Variants in PIEZO2 observed in about 807,000 individuals in gnomAD.
PIEZO2 encodes the protein piezo type mechanosensitive ion channel component 2.
Under a neutral mutation model 337.3 loss-of-function variants are expected in PIEZO2, and 172 were observed. The ratio of observed to expected loss-of-function variants is 0.51; its 90% CI spans 0.45 to 0.58. The LOEUF (loss-of-function observed/expected upper bound fraction) is 0.58, where lower values mean the gene tolerates loss of function less well. Among genes scored for constraint, PIEZO2 ranks in the 20% least tolerant of loss-of-function variants. PIEZO2 has a pLI of 0.00. For synonymous variants in PIEZO2, 1,251 were observed against 1,228.5 expected, an observed-to-expected ratio of 1.02 and a Z score of -0.38; for missense variants, 3,028 against 3,391.3, an observed-to-expected ratio of 0.89 and a Z score of 2.66.
intron 1 of PIEZO2, among the ~76,000 whole-genome samples, chr18:11,090,401 G>A (rs1480657202): frequency 1.3e-5 from 2 of 152,162 alleles, no homozygotes; most frequent in African/African-American, 4.8e-5. Context: ...CTCCGAAATA[G>A]AAGTGAATGA....
rs2033452235 is a variant in PIEZO2, at chr18:10,954,919, T to C, written c.286+24616A>G. Among the ~76,000 whole-genome samples, 1 of 152,218 alleles carries C rather than the reference T, an allele frequency of 6.6e-6. No individual in the cohort carries two copies. The highest frequency in any genetic ancestry group is 6.5e-5 in the Admixed American group (1 of 15,278). ...AGATTGAATATATTTTCTGGGTTCA[T>C]TAAAATTATTCTTGCACTTTAGATA... On this transcript the variant is annotated intron_variant, in intron 3 of 55. Transcript: ENST00000674853. This position sits in a 1 kb window ranked among gnomAD's most constrained non-coding sequence, Gnocchi z 4.2.
rs546817024 is a variant in PIEZO2 at position 11,117,107 on chromosome 18, C to G, written c.64+31418G>C. Among the ~76,000 whole-genome samples the G allele has an allele frequency of 5.2e-4, 79 of 152,022 alleles. No individual in the cohort carries two copies. The South Asian group carries it at 0.016, about 31-fold the overall frequency. ...GGCAACAGAGCAAGATTCTGTCCCC[C>G]CCACAAAAAAATTGTGTATTTCAAA... On this transcript the variant is annotated intron_variant, in intron 1 of 55. Transcript: ENST00000674853.
chr18:10,732,340 G>C (rs2036821791), intron 35 of PIEZO2, among the ~76,000 whole-genome samples: 1 of 152,132 alleles, frequency 6.6e-6, no homozygotes, highest in Non-Finnish European at 1.5e-5. Flanking sequence ...CAGGGAAGCT[G>C]GGTTTTTCAT....
At chr18:10,787,330 T>A in intron 15 of PIEZO2, 146 bp from the exon 16 acceptor site, 1 of 912,556 alleles carries the variant, frequency 1.1e-6, no homozygotes, top group Non-Finnish European at 1.6e-6. Context: ...GTTTTTAATG[T>A]TCCGTGTCTA....
At position 11,126,158 on chromosome 18, in the gene PIEZO2, G is replaced by T. The variant is rs116949090; in HGVS notation, c.64+22367C>A. 6.6e-6 allele frequency among the ~76,000 whole-genome samples: 1 copy of T among 152,148 alleles called. No homozygotes were observed. ...AGGTAGCTGAGCCATATGCTCCCCC[G>T]CATAGAGACTGGTTGCTTTGGTTTA... On this transcript the variant is annotated intron_variant, in intron 1 of 55. Coordinates refer to ENST00000674853, the MANE Select transcript of PIEZO2 (RefSeq NM_001378183.1). This position sits in a 1 kb window ranked among gnomAD's most constrained non-coding sequence, Gnocchi z 4.6.
chr18:10,882,004 C>T (rs1478007438), intron 4 of PIEZO2, among the ~76,000 whole-genome samples: 2 of 152,200 alleles, frequency 1.3e-5, no homozygotes, highest in Non-Finnish European at 2.9e-5. Context: ...TCTGCTGATG[C>T]AGTTTCTATC....
intron 31 of PIEZO2, among the ~76,000 whole-genome samples, 186 bp from the exon 32 acceptor site, chr18:10,742,801 T>C (rs1598423936): frequency 2.0e-5 from 3 of 146,512 alleles, no homozygotes; most frequent in Admixed American, 2.0e-4. Flanking sequence ...TACATATTTG[T>C]GTGTGTGTGT....
chr18:10,902,157 C>T (rs1029408555), intron 4 of PIEZO2, among the ~76,000 whole-genome samples: 2 of 152,196 alleles, frequency 1.3e-5, no homozygotes, highest in East Asian at 1.9e-4. Flanking sequence ...GAAGCTAATG[C>T]CTGCTGATCT....
At chr18:10,825,550 CTTT>C (rs57159292) in intron 7 of PIEZO2, among the ~76,000 whole-genome samples, 4 of 113,824 alleles carry the variant, frequency 3.5e-5, no homozygotes, top group Non-Finnish European at 5.2e-5. Context: ...TCCTTTCTTC[CTTT>C]TTTTTTTTTT....
intron 1 of PIEZO2, among the ~76,000 whole-genome samples, chr18:11,115,424 C>G (rs551881155): frequency 3.2e-4 from 48 of 152,248 alleles, no homozygotes; most frequent in African/African-American, 1.2e-3. Flanking sequence ...TTTTAAATTA[C>G]TGCTGTAAGT....
Position 10,766,987 on chromosome 18 carries a change from T to TGCCTC in PIEZO2, c.2946+3160_2946+3161insGAGGC, listed in dbSNP as rs1394712106. On this transcript the variant is annotated intron_variant, in intron 21 of 55. Transcript: ENST00000674853. This position sits in a 1 kb window ranked among gnomAD's most constrained non-coding sequence, Gnocchi z 6.1. ...TTCCTTCCTTCCTCCCACCTTCCAT[T>TGCCTC]CCCTCCCCTCCCCTCCCCTCCCCTT... Among the ~76,000 whole-genome samples the TGCCTC allele has an allele frequency of 2.0e-4, 30 of 146,542 alleles. 1 individual carries two copies. The East Asian group carries it at 6.1e-3, about 30-fold the overall frequency.
rs1202861164 is a variant in PIEZO2 at position 10,673,720 on chromosome 18, C to T, written c.8162-847G>A. On this transcript the variant is annotated intron_variant, in intron 54 of 55. Transcript: ENST00000674853. The surrounding 1 kb of genome is among the most constrained non-coding windows in gnomAD (Gnocchi z 4.8). Reference sequence around the variant, plus strand: ...TCCTGCCAATGATACTGGTGCTTCCCCTGAGAAACATGGTGGTGAACTATA... The same window carrying T: ...TCCTGCCAATGATACTGGTGCTTCCTCTGAGAAACATGGTGGTGAACTATA... Among the ~76,000 whole-genome samples, 1 of 152,040 alleles carries T rather than the reference C, an allele frequency of 6.6e-6. No individual in the cohort carries two copies. Among genetic ancestry groups the T allele is most frequent in the East Asian group, 1.9e-4 (1 of 5,186 alleles).
chr18:11,053,218 T>C (rs1429486174), intron 2 of PIEZO2, among the ~76,000 whole-genome samples: 1 of 152,150 alleles, frequency 6.6e-6, no homozygotes, highest in East Asian at 1.9e-4. Flanking sequence ...TAATGACCAA[T>C]CAATTAATCT....
Position 10,833,571 on chromosome 18 carries a change from A to G in PIEZO2, c.917+21782T>C, listed in dbSNP as rs2040917221. On this transcript the variant is annotated intron_variant, in intron 7 of 55. Transcript: ENST00000674853. The surrounding 1 kb of genome is among the most constrained non-coding windows in gnomAD (Gnocchi z 4.7). ...TTACTACAAGGATGAGAGATTGTACAGCCCAAACTGCACCTGAACCACGCA... is the reference window on the plus strand; with the variant it reads ...TTACTACAAGGATGAGAGATTGTACGGCCCAAACTGCACCTGAACCACGCA... Among the ~76,000 whole-genome samples, 1 of 152,166 alleles carries G rather than the reference A, an allele frequency of 6.6e-6. No homozygotes were observed.
Position 10,795,108 on chromosome 18 carries a change from A to C in PIEZO2, c.1528-106T>G. 1.0e-6 allele frequency: 1 copy of C among 966,118 alleles called. No individual in the cohort carries two copies. Among genetic ancestry groups the C allele is most frequent in the Non-Finnish European group, 1.5e-6 (1 of 654,074 alleles). 59.8% of individuals were successfully genotyped at this position (966,118 alleles called of 1,614,324 possible). ...TAAAAAGAAAAGGTCATAATATTCA[A>C]ACCAGGGAGAGTAGAGAGTTGTGGT... On this transcript the variant is annotated intron_variant, in intron 12 of 55. Coordinates refer to ENST00000674853, the MANE Select transcript of PIEZO2 (RefSeq NM_001378183.1). This position sits in a 1 kb window ranked among gnomAD's most constrained non-coding sequence, Gnocchi z 4.4.
intron 7 of PIEZO2, among the ~76,000 whole-genome samples, chr18:10,838,213 A>T (rs1470929853): frequency 6.6e-6 from 1 of 152,194 alleles, no homozygotes; most frequent in East Asian, 1.9e-4. Context: ...TCGGCTTCCA[A>T]TTCCTTTTCC....
At position 10,750,088 on chromosome 18, in the gene PIEZO2, T is replaced by TA; in HGVS notation, c.4264+2dup. On this transcript the variant is annotated splice_region_variant and intron_variant, in intron 29 of 55. Transcript: ENST00000674853. This position sits in a 1 kb window ranked among gnomAD's most constrained non-coding sequence, Gnocchi z 4.1. ...TGCCTTCACACTTGCTTTTCATACT[T>TA]ACGCATTTGATAGCCTTTGACTGTG... 1 of 1,534,090 alleles carries TA rather than the reference T, an allele frequency of 6.5e-7. No homozygotes were observed. The highest frequency in any genetic ancestry group is 8.7e-7 in the Non-Finnish European group (1 of 1,144,044).
At position 10,759,692 on chromosome 18, in the gene PIEZO2, A is replaced by G; in HGVS notation, c.3655+13T>C. ...TTCTAAAAGTAGACGGCTCAAGGGA[A>G]GGGCAGGCTCACCTCGGCAAGGAGC... On this transcript the variant is annotated intron_variant, in intron 25 of 55. Coordinates refer to ENST00000674853, the MANE Select transcript of PIEZO2 (RefSeq NM_001378183.1). The surrounding 1 kb of genome is among the most constrained non-coding windows in gnomAD (Gnocchi z 5.5). The G allele has an allele frequency of 6.5e-7, 1 of 1,537,224 alleles. No individual in the cohort carries two copies. Among genetic ancestry groups the G allele is most frequent in the Non-Finnish European group, 8.7e-7 (1 of 1,146,856 alleles).
At chr18:10,747,592 T>C (rs1941550) in intron 30 of PIEZO2, among the ~76,000 whole-genome samples, 127,251 of 152,186 alleles carry the variant, frequency 0.84, 53,763 homozygotes, top group African/African-American at 0.96. Context: ...GAGGGCTGGG[T>C]GTGCCACAAG....
Sources: allele counts gnomAD v4.1 joint callset (sites outside exome capture counted in the v4.1 genomes callset), GRCh38; gene constraint gnomAD v4.1.1; non-coding constraint Gnocchi (gnomAD v3.1); transcripts MANE v1.5; gene names NCBI Gene and HGNC (gene_info 2026-07-23, HGNC 2026-07-21).